The following KIF6 variants were observed in gnomAD, a reference collection of about 807,000 sequenced individuals.
KIF6 encodes kinesin family member 6, also known as kinesin-like protein KIF6.
KIF6 carries 106 observed loss-of-function variants against 112.7 expected under a neutral mutation model. The ratio of observed to expected loss-of-function variants is 0.94; its 90% CI spans 0.80 to 1.11. The LOEUF (loss-of-function observed/expected upper bound fraction) is 1.11, where lower values mean the gene tolerates loss of function less well. Among genes scored for constraint, KIF6 ranks in the 50% least tolerant of loss-of-function variants. The pLI is 0.00. For synonymous variants in KIF6, 339 were observed against 339.9 expected (o/e 1.00, Z 0.03); for missense variants, 929 against 964.0 (o/e 0.96, Z 0.48).
chr6:39,575,577 C>T lies in KIF6; in HGVS notation c.1181+2479G>A, dbSNP rs116318512. Among the ~76,000 whole-genome samples the T allele has an allele frequency of 3.7e-3, 559 of 152,206 alleles. 3 individuals carry two copies. Among genetic ancestry groups the T allele is most frequent in the African/African-American group, 0.013 (533 of 41,540 alleles). On this transcript the variant is annotated intron_variant, in intron 10 of 22. Transcript: ENST00000287152. ...GAGCCACCACGCCCGGCTGCTTCCT[C>T]TTATTTTTCGTGAGAATAGGGGATG...
At position 39,635,051 on chromosome 6, in the gene KIF6, G is replaced by A. The variant is rs1456810956; in HGVS notation, c.400-93C>T. 3 of 714,920 alleles carry A rather than the reference G, an allele frequency of 4.2e-6. No homozygotes were observed. In the African/African-American group the frequency reaches 5.4e-5, roughly 13 times the overall value. The allele number at this position is 714,920 out of a possible 1,614,324, so 44.3% of individuals were successfully genotyped here. On this transcript the variant is annotated intron_variant, in intron 4 of 22. Coordinates refer to ENST00000287152, the MANE Select transcript of KIF6 (RefSeq NM_145027.6). ...ACATTTAGCACTCAGTTTCCTCATA[G>A]TTTCTCTCTTTTTCTCTCACTTTAT...
chr6:39,465,643 A>G (rs961592608), intron 13 of KIF6, among the ~76,000 whole-genome samples: 3 of 152,208 alleles, frequency 2.0e-5, no homozygotes, highest in Non-Finnish European at 2.9e-5. Context: ...CTTCTCTCTG[A>G]TGCTTAAATA....
chr6:39,624,735 T>A (rs556254352), intron 5 of KIF6, among the ~76,000 whole-genome samples: 1 of 152,352 alleles, frequency 6.6e-6, no homozygotes, highest in East Asian at 1.9e-4. Context: ...CATTAATTCA[T>A]GTCACTAAAA....
intron 3 of KIF6, among the ~76,000 whole-genome samples, chr6:39,668,849 C>A (rs1165469942): frequency 6.6e-6 from 1 of 151,700 alleles, no homozygotes; most frequent in Non-Finnish European, 1.5e-5. Flanking sequence ...TATTTAGGCC[C>A]ATTTTCAGTA....
intron 13 of KIF6, among the ~76,000 whole-genome samples, chr6:39,491,672 GAA>G (rs1407551825): frequency 6.6e-6 from 1 of 152,176 alleles, no homozygotes; most frequent in African/African-American, 2.4e-5. Flanking sequence ...GTGAAAGCCT[GAA>G]AAGTTTTGAA....
chr6:39,523,799 A>G (rs1037132884), intron 13 of KIF6, among the ~76,000 whole-genome samples: 10 of 150,992 alleles, frequency 6.6e-5, no homozygotes, highest in African/African-American at 2.4e-4. Context: ...GTCCCAGGGC[A>G]CCCTGTACAT....
chr6:39,697,816 G>C (rs1788638231), intron 3 of KIF6, among the ~76,000 whole-genome samples: 2 of 152,212 alleles, frequency 1.3e-5, no homozygotes. Context: ...CCAAAGTGCT[G>C]GGATTACAGG....
At chr6:39,422,869 T>A (rs891340352) in intron 14 of KIF6, among the ~76,000 whole-genome samples, 6 of 152,166 alleles carry the variant, frequency 3.9e-5, no homozygotes, top group Non-Finnish European at 8.8e-5. Context: ...AGGCGCATCC[T>A]CATCCATGAG....
At chr6:39,712,033 G>C (rs1479902534) in intron 3 of KIF6, among the ~76,000 whole-genome samples, 4 of 151,744 alleles carry the variant, frequency 2.6e-5, no homozygotes, top group Admixed American at 6.6e-5. Context: ...AGCAACAACA[G>C]TCAAACCAAC....
At chr6:39,658,828 G>A (rs1037537337) in intron 3 of KIF6, among the ~76,000 whole-genome samples, 2 of 152,172 alleles carry the variant, frequency 1.3e-5, no homozygotes, top group Non-Finnish European at 2.9e-5. Context: ...CATGGTGTGT[G>A]GCTCCTACTT....
At chr6:39,626,665 C>T (rs1314724615) in intron 5 of KIF6, among the ~76,000 whole-genome samples, 1 of 152,098 alleles carries the variant, frequency 6.6e-6, no homozygotes, top group Non-Finnish European at 1.5e-5. Flanking sequence ...GGTTCACTAT[C>T]CTCTTTGGAG....
intron 3 of KIF6, among the ~76,000 whole-genome samples, chr6:39,699,491 A>C (rs905493214): frequency 6.6e-6 from 1 of 152,158 alleles, no homozygotes; most frequent in Non-Finnish European, 1.5e-5. Context: ...GAATATTAGA[A>C]AAACAAAACA....
intron 3 of KIF6, among the ~76,000 whole-genome samples, chr6:39,700,846 G>C (rs1788840069): frequency 1.3e-5 from 2 of 151,946 alleles, no homozygotes; most frequent in African/African-American, 4.8e-5. Context: ...CCGAGTAGCT[G>C]GGACTACAGG....
chr6:39,627,351 G>A (rs141643989), intron 5 of KIF6, among the ~76,000 whole-genome samples: 1 of 152,134 alleles, frequency 6.6e-6, no homozygotes, highest in African/African-American at 2.4e-5. Flanking sequence ...CTCTTACAAT[G>A]TTTTTCACAT....
At chr6:39,430,816 T>C (rs570496919) in intron 14 of KIF6, among the ~76,000 whole-genome samples, 25 of 152,258 alleles carry the variant, frequency 1.6e-4, no homozygotes, top group Non-Finnish European at 3.1e-4. Context: ...ACGTTGATAC[T>C]GTCAGTAACA....
chr6:39,708,468 C>T (rs921189705), intron 3 of KIF6, among the ~76,000 whole-genome samples: 1 of 152,126 alleles, frequency 6.6e-6, no homozygotes, highest in Admixed American at 6.6e-5. Flanking sequence ...ACCTCATTGG[C>T]CTTATTGTAG....
intron 13 of KIF6, among the ~76,000 whole-genome samples, chr6:39,522,235 T>A (rs534623441): frequency 6.6e-6 from 1 of 152,218 alleles, no homozygotes; most frequent in East Asian, 1.9e-4. Context: ...GGCTCCCAGA[T>A]ACCGTTTCAG....
At chr6:39,574,072 C>A (rs900834345) in intron 10 of KIF6, among the ~76,000 whole-genome samples, 3 of 152,338 alleles carry the variant, frequency 2.0e-5, no homozygotes, top group South Asian at 2.1e-4. Flanking sequence ...AATCCAGGAT[C>A]TATAAGTCCT....
intron 13 of KIF6, among the ~76,000 whole-genome samples, chr6:39,445,957 C>T (rs887928823): frequency 1.4e-4 from 21 of 152,210 alleles, no homozygotes; most frequent in Admixed American, 4.6e-4. Context: ...AAGGTATTCC[C>T]AGGCAGAGAC....
Sources: allele counts gnomAD v4.1 joint callset (sites outside exome capture counted in the v4.1 genomes callset), GRCh38; gene constraint gnomAD v4.1.1; transcripts MANE v1.5; gene names NCBI Gene and HGNC (gene_info 2026-07-23, HGNC 2026-07-21).